The following TULP4 variants were observed in gnomAD, a reference collection of about 807,000 sequenced individuals.
TULP4 encodes TUB like protein 4.
A neutral mutation model predicts 129.0 loss-of-function variants in TULP4; 16 were observed. That is an observed-to-expected ratio of 0.12 (90% CI 0.08 to 0.19). The LOEUF is 0.19. Among genes scored for constraint, TULP4 ranks in the 10% least tolerant of loss-of-function variants. The pLI, the probability that TULP4 is intolerant of heterozygous loss-of-function variation, is 1.00. For missense variants in TULP4, 1,842 were observed against 2,059.1 expected, an observed-to-expected ratio of 0.89 and a Z score of 2.04; for synonymous variants, 998 against 854.0, an observed-to-expected ratio of 1.17 and a Z score of -2.94.
chr6:158,343,219 C>T (rs1416535760), intron 1 of TULP4, among the ~76,000 whole-genome samples: 1 of 152,130 alleles, frequency 6.6e-6, no homozygotes, highest in African/African-American at 2.4e-5. Flanking sequence ...GCTGTAGTTC[C>T]TGTCAAAGGG....
At chr6:158,248,283 T>C (rs964784731) in intron 1 of TULP4, among the ~76,000 whole-genome samples, 1 of 151,694 alleles carries the variant, frequency 6.6e-6, no homozygotes, top group Non-Finnish European at 1.5e-5. Flanking sequence ...CTTTTTTTTT[T>C]TCTTGAGACG....
intron 1 of TULP4, among the ~76,000 whole-genome samples, chr6:158,381,499 A>G (rs1204707909): frequency 1.3e-5 from 2 of 152,268 alleles, no homozygotes; most frequent in African/African-American, 4.8e-5. Flanking sequence ...CAAATGAATT[A>G]GTGAAAAACA....
At chr6:158,232,455 C>T (rs1234065165) in intron 1 of TULP4, among the ~76,000 whole-genome samples, 1 of 142,526 alleles carries the variant, frequency 7.0e-6, no homozygotes, top group African/African-American at 2.6e-5. Flanking sequence ...GGGCGGGGGT[C>T]GGGGCGGTGG....
chr6:158,247,086 A>G (rs1778043662), intron 1 of TULP4, among the ~76,000 whole-genome samples: 1 of 152,224 alleles, frequency 6.6e-6, no homozygotes, highest in African/African-American at 2.4e-5. Context: ...TTTAAAAATT[A>G]AAGACTCAAT....
chr6:158,354,024 G>A lies in TULP4; in HGVS notation c.252+39756G>A, dbSNP rs1470610435. On this transcript the variant is annotated intron_variant, in intron 1 of 13. Transcript: ENST00000367097. ...TTCGGGGAGCAATTTTGTTGACACA[G>A]GAGATGTTCTCATCTAGCATGTGTC... Among the ~76,000 whole-genome samples, 7 of 152,230 alleles carry A rather than the reference G, an allele frequency of 4.6e-5. 1 individual carries two copies. The highest frequency in any genetic ancestry group is 3.8e-4 in the East Asian group (2 of 5,198).
chr6:158,485,439 T>C (rs1261567665), intron 8 of TULP4, among the ~76,000 whole-genome samples: 2 of 152,230 alleles, frequency 1.3e-5, no homozygotes, highest in African/African-American at 2.4e-5. Flanking sequence ...GCAGAGACAC[T>C]GCCAGTTTGA....
chr6:158,309,577 C>G (rs913900645), upstream of TULP4, among the ~76,000 whole-genome samples: 1 of 152,062 alleles, frequency 6.6e-6, no homozygotes, highest in Non-Finnish European at 1.5e-5. Flanking sequence ...CGAGATCATG[C>G]CACTGCACTC....
chr6:158,308,904 CCCGGACGGGGCGG>C (rs1779272958), upstream of TULP4, among the ~76,000 whole-genome samples: 1 of 112,974 alleles, frequency 8.9e-6, no homozygotes, highest in African/African-American at 3.3e-5. Context: ...CCACCTCCCT[CCCGGACGGGGCGG>C]CTGGCCGGGC....
intron 13 of TULP4, among the ~76,000 whole-genome samples, chr6:158,506,222 C>CTTTT (rs61292138): frequency 0.017 from 928 of 55,500 alleles, 263 homozygotes; most frequent in South Asian, 0.036. Flanking sequence ...TCGCCTTGTT[C>CTTTT]TTTTTTTTTT....
At chr6:158,251,031 C>T (rs1188776062) in intron 1 of TULP4, among the ~76,000 whole-genome samples, 1 of 152,144 alleles carries the variant, frequency 6.6e-6, no homozygotes, top group Non-Finnish European at 1.5e-5. Context: ...GAGTGGACCC[C>T]AGATGAGATG....
intron 1 of TULP4, chr6:158,237,190 G>A: frequency 1.5e-6 from 1 of 673,682 alleles, no homozygotes; most frequent in Non-Finnish European, 2.6e-6. Flanking sequence ...TGAGGAAGAT[G>A]TTTTCCATTT....
intron 12 of TULP4, among the ~76,000 whole-genome samples, chr6:158,500,108 G>A (rs1169963471): frequency 1.3e-5 from 2 of 152,184 alleles, no homozygotes; most frequent in Non-Finnish European, 2.9e-5. Context: ...CTCCCAAAAT[G>A]CGAGGAATAC....
intron 6 of TULP4, among the ~76,000 whole-genome samples, chr6:158,478,313 G>A (rs933718514): frequency 1.3e-5 from 2 of 152,076 alleles, no homozygotes; most frequent in Non-Finnish European, 2.9e-5. Context: ...TGTCTTAGGG[G>A]GCTCAGAGGT....
At chr6:158,253,083 C>T (rs1386269650) in intron 1 of TULP4, among the ~76,000 whole-genome samples, 1 of 152,230 alleles carries the variant, frequency 6.6e-6, no homozygotes, top group East Asian at 1.9e-4. Flanking sequence ...TGCGAATTGT[C>T]AGTCACTGCT....
rs1176901817 is a variant in TULP4, at chr6:158,503,560, C to T, written c.3897C>T (p.Leu1299=). The T allele has an allele frequency of 5.6e-6, 9 of 1,614,032 alleles. No individual in the cohort carries two copies. In the East Asian group the frequency reaches 6.7e-5, roughly 12 times the overall value. Residue 1299 remains leucine, a synonymous_variant, in exon 13 of 14, where the codon CTC becomes CTT. Coordinates refer to ENST00000367097, the MANE Select transcript of TULP4 (RefSeq NM_020245.5). This position sits in a 1 kb window ranked among gnomAD's most constrained non-coding sequence, Gnocchi z 4.3. ...TTGTGTCCCCACCACCTGCCGACCTCCAAAGCCACTTGGGCACAGAGGTGA... is the reference window on the plus strand; with the variant it reads ...TTGTGTCCCCACCACCTGCCGACCTTCAAAGCCACTTGGGCACAGAGGTGA... ...KPLVSPPPAD[L]QSHLGTEVMV...
At chr6:158,496,225 G>C (rs1194135132) in intron 11 of TULP4, among the ~76,000 whole-genome samples, 1 of 152,228 alleles carries the variant, frequency 6.6e-6, no homozygotes, top group Non-Finnish European at 1.5e-5. Flanking sequence ...GCTCAGCCAG[G>C]GGGGCCGTGG....
At chr6:158,476,209 T>C (rs1412737509) in intron 6 of TULP4, among the ~76,000 whole-genome samples, 1 of 152,168 alleles carries the variant, frequency 6.6e-6, no homozygotes, top group Non-Finnish European at 1.5e-5. Context: ...ATTAAATCAA[T>C]GTGTCCGTGC....
intron 3 of TULP4, among the ~76,000 whole-genome samples, chr6:158,433,548 A>G (rs1016503985): frequency 6.6e-6 from 1 of 152,156 alleles, no homozygotes; most frequent in African/African-American, 2.4e-5. Context: ...CCCGTCTACT[A>G]AAAATACAAA....
rs1395780288 is a variant in TULP4 at position 158,240,673 on chromosome 6, C to G, written n.68+8370C>G. ...CTGACCCCCCCACCTCCCTCCCAGA[C>G]GGGGCAGCTGGCCAGGCGGGGGGCT... is the stretch of plus-strand genomic sequence containing the variant. On this transcript the variant is annotated intron_variant and non_coding_transcript_variant, in intron 1 of 1. Transcript: ENST00000620026. Among the ~76,000 whole-genome samples, 2 of 112,780 alleles carry G rather than the reference C, an allele frequency of 1.8e-5. 1 individual carries two copies. Among genetic ancestry groups the G allele is most frequent in the Non-Finnish European group, 4.1e-5 (2 of 49,346 alleles). The allele number at this position is 112,780 out of a possible 152,430, so 74.0% of individuals were successfully genotyped here. A position where few individuals can be genotyped will look rare whatever the true frequency, so the allele number is the denominator to read the frequency against.
Sources: gnomAD v4.1 joint callset for allele counts (sites outside exome capture counted in the v4.1 genomes callset) on GRCh38, gnomAD v4.1.1 for gene constraint, Gnocchi (gnomAD v3.1) non-coding constraint, MANE v1.5 for transcripts, NCBI Gene and HGNC (gene_info 2026-07-23, HGNC 2026-07-21) for gene names.